STRA6: variants seen among roughly 807,000 people sequenced by gnomAD.
The protein encoded by STRA6 is receptor for retinol uptake STRA6.
STRA6 carries 48 observed loss-of-function variants against 83.6 expected under a neutral mutation model. The ratio of observed to expected loss-of-function variants is 0.57; its 90% CI spans 0.46 to 0.73. The LOEUF is 0.73. Ranked by LOEUF, STRA6 falls within the 30% of genes least tolerant of loss-of-function variation. The probability of loss-of-function intolerance (pLI) is 0.00; values close to 1 mark genes in which losing one functional copy is unlikely to be tolerated. For synonymous variants in STRA6, 353 were observed against 362.3 expected (o/e 0.97, Z 0.29); for missense variants, 760 against 838.8 (o/e 0.91, Z 1.16).
chr15:74,196,486 C>T (rs2073828983), intron 4 of STRA6, among the ~76,000 whole-genome samples: 1 of 152,222 alleles, frequency 6.6e-6, no homozygotes, highest in Admixed American at 6.5e-5. Flanking sequence ...CGAGTCACAA[C>T]ATCCTTGTAC....
upstream of STRA6, among the ~76,000 whole-genome samples, chr15:74,203,583 T>C (rs2074178612): frequency 6.6e-6 from 1 of 152,242 alleles, no homozygotes; most frequent in South Asian, 2.1e-4. Flanking sequence ...AAGGCAGTCA[T>C]TCAACAGCTT....
upstream of STRA6, among the ~76,000 whole-genome samples, chr15:74,211,175 A>G (rs1320766156): frequency 1.2e-4 from 17 of 142,358 alleles, no homozygotes; most frequent in Non-Finnish European, 1.6e-4. Flanking sequence ...ACACACACAC[A>G]CACACACCTC....
intron 5 of STRA6, 35 bp downstream of exon 5, chr15:74,195,973 C>T (rs778742769): frequency 3.7e-6 from 6 of 1,612,968 alleles, no homozygotes; most frequent in Non-Finnish European, 5.1e-6. Flanking sequence ...CCCATCCCAT[C>T]ACACCAACCC....
intron 3 of STRA6, 134 bp from the exon 4 acceptor site, chr15:74,197,557 G>A (rs2073876492): frequency 9.3e-7 from 1 of 1,080,654 alleles, no homozygotes. Context: ...TTGGGGACTG[G>A]TCAAGGGGTG....
rs2074137659 is a variant in STRA6 at position 74,202,737 on chromosome 15, G to T, written c.-40C>A. 2.4e-6 allele frequency: 3 copies of T among 1,238,226 alleles called. No individual in the cohort carries two copies. Among genetic ancestry groups the T allele is most frequent in the Admixed American group, 4.0e-5 (1 of 25,286 alleles). The allele number at this position is 1,238,226 out of a possible 1,614,324, so 76.7% of individuals were successfully genotyped here. A position where few individuals can be genotyped will look rare whatever the true frequency, so the allele number is the denominator to read the frequency against. On this transcript the variant is annotated 5_prime_UTR_variant, in exon 1 of 19. Transcript: ENST00000395105. ...CCAGAAGGGAGGCCCAGGGAGGAAG[G>T]AGTTGCAGAGATGAAAGGGTAGGCA...
At position 74,202,262 on chromosome 15, in the gene STRA6, C is replaced by T. The variant is rs143708162; in HGVS notation, c.6G>A (p.Ser2=). The T allele has an allele frequency of 3.2e-6, 5 of 1,542,660 alleles. No individual in the cohort carries two copies. The highest frequency in any genetic ancestry group is 1.3e-5 in the South Asian group (1 of 76,410). The change falls in exon 2 of 19, where the codon TCG becomes TCA. Residue 2 remains serine, a synonymous_variant. Transcript: ENST00000395105. The part of the protein sequence containing the change: M[S]SQPAGNQTSP... The stretch of plus-strand genomic sequence containing the variant: ...AGGTCTGGTTCCCTGCTGGCTGGGA[C>T]GACATTCTCTGGCCCTTCTCCTTTG...
chr15:74,191,289 T>A, intron 9 of STRA6, 46 bp from the exon 10 acceptor site: 1 of 1,611,618 alleles, frequency 6.2e-7, no homozygotes, highest in Non-Finnish European at 8.5e-7. Context: ...GGGAAGCCCA[T>A]TCCCTGAGGG....
upstream of STRA6, among the ~76,000 whole-genome samples, chr15:74,210,491 A>G (rs1197844852): frequency 1.3e-5 from 2 of 152,244 alleles, no homozygotes; most frequent in South Asian, 2.1e-4. Context: ...ACATATGTGT[A>G]TGTATGTGTG....
rs1595821686 is a variant in STRA6, at chr15:74,181,411, A to C, written c.1568T>G (p.Leu523Arg). The C allele has an allele frequency of 6.2e-7, 1 of 1,613,550 alleles. No homozygotes were observed. Among genetic ancestry groups the C allele is most frequent in the Non-Finnish European group, 8.5e-7 (1 of 1,179,720 alleles). ...ATFLLFPLNV[L>R]VGAMVATWRV... ...CCAGGTGGCCACCATGGCACCCACC[A>C]GCACATTGAGGGGGAAGAGAAGAAA... Residue 523 changes from leucine (L) to arginine (R), a missense_variant, in exon 17 of 19, where the codon CTG (leucine) becomes CGG (arginine). Leu to Arg is a moderately radical substitution (Grantham distance 102, BLOSUM62 -2). Transcript: ENST00000395105.
At chr15:74,184,872 G>A (rs907791154) in intron 13 of STRA6, 108 bp downstream of exon 13, 1 of 1,129,202 alleles carries the variant, frequency 8.9e-7, no homozygotes, top group Admixed American at 2.0e-5. Context: ...GACAGCCCGG[G>A]CCGGCAGAGC....
At position 74,181,345 on chromosome 15, in the gene STRA6, C is replaced by T; in HGVS notation, c.1634G>A (p.Gly545Asp). The T allele has an allele frequency of 1.2e-6, 2 of 1,613,326 alleles. No individual in the cohort carries two copies. The highest frequency in any genetic ancestry group is 1.7e-6 in the Non-Finnish European group (2 of 1,179,858). ...LSALYNAIHLGQMDLSLLPPR... is the reference protein window; with the variant it reads ...LSALYNAIHLDQMDLSLLPPR... Reference sequence around the variant, plus strand: ...TGGCAGCAGGCTGAGGTCCATCTGGCCAAGGTGGATGGCGTTGTAGAGGGC... The same window carrying T: ...TGGCAGCAGGCTGAGGTCCATCTGGTCAAGGTGGATGGCGTTGTAGAGGGC... The change falls in exon 17 of 19, where the codon GGC becomes GAC. Residue 545 changes from glycine to aspartate, a missense_variant. Physicochemically the swap from Gly to Asp is moderately conservative, Grantham distance 94. Coordinates refer to ENST00000395105, the MANE Select transcript of STRA6 (RefSeq NM_022369.4).
At chr15:74,198,881 G>A (rs1473324527) in intron 2 of STRA6, among the ~76,000 whole-genome samples, 1 of 152,218 alleles carries the variant, frequency 6.6e-6, no homozygotes, top group East Asian at 1.9e-4. Context: ...GGGTCACTGA[G>A]GACAATGAAA....
At position 74,179,871 on chromosome 15, in the gene STRA6, C is replaced by T; in HGVS notation, c.*209G>A. 1.6e-6 allele frequency: 1 copy of T among 635,474 alleles called. No individual in the cohort carries two copies. Among genetic ancestry groups the T allele is most frequent in the Non-Finnish European group, 2.6e-6 (1 of 378,484 alleles). 39.4% of individuals were successfully genotyped at this position (635,474 alleles called of 1,614,324 possible). A position where few individuals can be genotyped will look rare whatever the true frequency, so the allele number is the denominator to read the frequency against. On this transcript the variant is annotated 3_prime_UTR_variant, in exon 19 of 19. Coordinates refer to ENST00000395105, the MANE Select transcript of STRA6 (RefSeq NM_022369.4). ...ACCCACCAGTTTCTTTCTCCAGAAC[C>T]CCTGCTGGCTCTCCCATAGCCAAGT...
intron 7 of STRA6, chr15:74,194,924 G>A (rs1245294491): frequency 8.4e-6 from 12 of 1,421,980 alleles, no homozygotes; most frequent in African/African-American, 1.4e-5. Context: ...CCCTGACTTC[G>A]CACTTGCCGG....
intron 2 of STRA6, among the ~76,000 whole-genome samples, chr15:74,200,936 C>T (rs1490858247): frequency 6.6e-6 from 1 of 152,214 alleles, no homozygotes; most frequent in East Asian, 1.9e-4. Context: ...AAGGACACAG[C>T]TTCAGATTAG....
chr15:74,195,161 T>G, intron 7 of STRA6, 141 bp downstream of exon 7: 1 of 1,523,842 alleles, frequency 6.6e-7, no homozygotes, highest in Non-Finnish European at 8.8e-7. Flanking sequence ...AAGGGGCACA[T>G]GTTTGAAGGC....
chr15:74,201,030 C>T (rs2074034007), intron 2 of STRA6, among the ~76,000 whole-genome samples: 1 of 152,208 alleles, frequency 6.6e-6, no homozygotes, highest in East Asian at 1.9e-4. Context: ...ACATACACAG[C>T]AGGATATGTG....
rs2073114347 is a variant in STRA6 at position 74,183,907 on chromosome 15, T to C, written c.1249A>G (p.Ile417Val). 3 of 1,614,040 alleles carry C rather than the reference T, an allele frequency of 1.9e-6. No individual in the cohort carries two copies. The highest frequency in any genetic ancestry group is 2.2e-5 in the East Asian group (1 of 44,874). ...HRSPHPSRQAIFCWMSFSAYQ... is the reference protein window; with the variant it reads ...HRSPHPSRQAVFCWMSFSAYQ... ...GCACTGAAGCTCATCCAACAGAATA[T>C]GGCTTGGCGGGAGGGATGGGGACTC... The change falls in exon 14 of 19, where the codon ATA becomes GTA. Residue 417 changes from isoleucine (I) to valine (V), a missense_variant. By Grantham distance (29) the Ile-to-Val change is conservative. Transcript: ENST00000395105.
At chr15:74,191,565 TAG>T in intron 8 of STRA6, 74 bp from the exon 9 acceptor site, 1 of 1,318,898 alleles carries the variant, frequency 7.6e-7, no homozygotes, top group South Asian at 1.2e-5. Flanking sequence ...CTCAGGGAAC[TAG>T]AGTGTTCACC....
Sources: allele counts gnomAD v4.1 joint callset (sites outside exome capture counted in the v4.1 genomes callset), GRCh38; gene constraint gnomAD v4.1.1; transcripts MANE v1.5; gene names NCBI Gene and HGNC (gene_info 2026-07-23, HGNC 2026-07-21).